Variants in NELL2 observed in about 807,000 individuals in gnomAD.
The protein encoded by NELL2 is protein kinase C-binding protein NELL2.
NELL2 carries 41 observed loss-of-function variants against 109.6 expected under a neutral mutation model. The observed-to-expected ratio is 0.37, with a 90% CI of 0.29 to 0.49. The LOEUF (loss-of-function observed/expected upper bound fraction) is 0.49. Among genes scored for constraint, NELL2 ranks in the 20% least tolerant of loss-of-function variants. The pLI is 0.98. For synonymous variants in NELL2, 355 were observed against 344.7 expected (o/e 1.03, Z -0.33); for missense variants, 900 against 1,008.3 (o/e 0.89, Z 1.45).
intron 12 of NELL2, among the ~76,000 whole-genome samples, chr12:44,670,692 T>G (rs1410827821): frequency 6.7e-6 from 1 of 149,820 alleles, no homozygotes; most frequent in Non-Finnish European, 1.5e-5. Flanking sequence ...TTAAAAAACA[T>G]AAAAAGGGCC....
At chr12:44,821,889 A>T (rs887304698) in intron 2 of NELL2, among the ~76,000 whole-genome samples, 4 of 57,734 alleles carry the variant, frequency 6.9e-5, no homozygotes, top group Non-Finnish European at 1.5e-4. Flanking sequence ...GGCTGGTTTT[A>T]TTTATTTATT....
chr12:44,773,181 G>T (rs531611335), intron 9 of NELL2, among the ~76,000 whole-genome samples: 2 of 152,288 alleles, frequency 1.3e-5, no homozygotes, highest in East Asian at 3.9e-4. Flanking sequence ...AAAGATAAAA[G>T]AAGTTAAAGC....
chr12:44,828,063 A>G (rs1439962138), intron 2 of NELL2, among the ~76,000 whole-genome samples: 6 of 152,166 alleles, frequency 3.9e-5, no homozygotes, highest in Non-Finnish European at 5.9e-5. Context: ...CTGATGATCA[A>G]TGATGTTGAG....
chr12:44,897,932 G>A (rs1283808157), intron 1 of NELL2, among the ~76,000 whole-genome samples: 1 of 152,206 alleles, frequency 6.6e-6, no homozygotes, highest in Non-Finnish European at 1.5e-5. Context: ...GTGGTGTGGG[G>A]AGGGGCATCC....
chr12:44,725,322 G>A (rs1009598911), intron 9 of NELL2, among the ~76,000 whole-genome samples: 3 of 152,058 alleles, frequency 2.0e-5, no homozygotes, highest in African/African-American at 7.2e-5. Context: ...TACAAACAGA[G>A]TAAACAGACA....
Position 44,698,975 on chromosome 12 carries a change from C to T in NELL2, c.1318+4751G>A, listed in dbSNP as rs144172899. On this transcript the variant is annotated intron_variant, in intron 12 of 19. Coordinates refer to ENST00000429094, the MANE Select transcript of NELL2 (RefSeq NM_001145108.2). ...ACTTACAAAATGACTCCAGAAGCCACCATCTAAAATAGAATGCCAAGATAA... is the reference window on the plus strand; with the variant it reads ...ACTTACAAAATGACTCCAGAAGCCATCATCTAAAATAGAATGCCAAGATAA... Among the ~76,000 whole-genome samples the T allele has an allele frequency of 4.3e-3, 656 of 152,182 alleles. 9 individuals are homozygous for T. The highest frequency in any genetic ancestry group is 0.015 in the African/African-American group (611 of 41,520).
At chr12:44,609,198 C>T (rs1180086304) in intron 14 of NELL2, among the ~76,000 whole-genome samples, 1 of 151,948 alleles carries the variant, frequency 6.6e-6, no homozygotes, top group Non-Finnish European at 1.5e-5. Context: ...AATCCATCTG[C>T]CTTGGCCCCC....
At chr12:44,701,441 C>T (rs1057015318) in intron 12 of NELL2, among the ~76,000 whole-genome samples, 2 of 152,014 alleles carry the variant, frequency 1.3e-5, no homozygotes, top group Non-Finnish European at 2.9e-5. Flanking sequence ...CAGATTTTAT[C>T]CAGAACACTT....
intron 13 of NELL2, among the ~76,000 whole-genome samples, chr12:44,624,826 G>A (rs10748400): frequency 1.3e-5 from 2 of 151,300 alleles, no homozygotes; most frequent in Non-Finnish European, 2.9e-5. Context: ...CATCCTCCAC[G>A]CGCAATCCAA....
At chr12:44,758,481 A>C (rs1940986529) in intron 9 of NELL2, among the ~76,000 whole-genome samples, 1 of 152,244 alleles carries the variant, frequency 6.6e-6, no homozygotes. Context: ...ATGCGCAAGC[A>C]CAATAATCTC....
At chr12:44,670,428 A>G (rs1948099210) in intron 12 of NELL2, among the ~76,000 whole-genome samples, 1 of 152,032 alleles carries the variant, frequency 6.6e-6, no homozygotes, top group Non-Finnish European at 1.5e-5. Context: ...ATGTAGAACA[A>G]TCAGAAAATA....
At chr12:44,743,288 C>G (rs561588419) in intron 9 of NELL2, among the ~76,000 whole-genome samples, 3,840 of 152,168 alleles carry the variant, frequency 0.025, 103 homozygotes, top group African/African-American at 0.071. Context: ...CCCTAAAAGA[C>G]CTCCTGAAGG....
chr12:44,636,012 T>C (rs1230340378), intron 13 of NELL2, among the ~76,000 whole-genome samples: 2 of 152,160 alleles, frequency 1.3e-5, no homozygotes, highest in African/African-American at 2.4e-5. Context: ...CCCTTGTAAG[T>C]TGTATTCCTA....
intron 15 of NELL2, among the ~76,000 whole-genome samples, chr12:44,575,703 T>C (rs1161438003): frequency 6.6e-6 from 1 of 152,214 alleles, no homozygotes; most frequent in East Asian, 1.9e-4. Flanking sequence ...GGGTTTGCTA[T>C]ACAGCTACAG....
chr12:44,550,606 G>A (rs574479242), intron 15 of NELL2, among the ~76,000 whole-genome samples: 1 of 151,078 alleles, frequency 6.6e-6, no homozygotes, highest in South Asian at 2.1e-4. Context: ...CGAGTTATGG[G>A]GACAACTTAA....
chr12:44,585,870 A>T (rs1409955284), intron 15 of NELL2, among the ~76,000 whole-genome samples: 2 of 152,062 alleles, frequency 1.3e-5, no homozygotes, highest in Non-Finnish European at 2.9e-5. Flanking sequence ...CCCATAACAA[A>T]GAATTATTGG....
chr12:44,556,433 G>A (rs1341520978), intron 15 of NELL2, among the ~76,000 whole-genome samples: 1 of 152,154 alleles, frequency 6.6e-6, no homozygotes, highest in African/African-American at 2.4e-5. Flanking sequence ...AATAAACCCA[G>A]CACCCAAATG....
At chr12:44,769,833 G>A (rs771903879) in intron 9 of NELL2, among the ~76,000 whole-genome samples, 1 of 152,100 alleles carries the variant, frequency 6.6e-6, no homozygotes, top group Non-Finnish European at 1.5e-5. Flanking sequence ...ATGAGATGCA[G>A]CTACATTTTT....
Position 44,643,778 on chromosome 12 carries a change from G to T in NELL2, c.1444+21706C>A, listed in dbSNP as rs73098353. Among the ~76,000 whole-genome samples, 5 of 152,022 alleles carry T rather than the reference G, an allele frequency of 3.3e-5. No homozygotes were observed. The South Asian group carries it at 8.3e-4, about 25-fold the overall frequency. On this transcript the variant is annotated intron_variant, in intron 13 of 19. Coordinates refer to ENST00000429094, the MANE Select transcript of NELL2 (RefSeq NM_001145108.2). ...CCCTGAATTTCAGTAGAGTTTCTAT[G>T]GATAAATATTATCCAAATTCGTTTT...
Sources: allele counts gnomAD v4.1 joint callset (sites outside exome capture counted in the v4.1 genomes callset), GRCh38; gene constraint gnomAD v4.1.1; transcripts MANE v1.5; gene names NCBI Gene and HGNC (gene_info 2026-07-23, HGNC 2026-07-21).